Variants in DKK2 observed in about 807,000 individuals in gnomAD.
DKK2 encodes dickkopf Wnt signaling pathway inhibitor 2, also known as dickkopf-related protein 2.
In DKK2, 11 loss-of-function variants were observed where a neutral mutation model predicts 28.1. The ratio of observed to expected loss-of-function variants is 0.39; its 90% CI spans 0.25 to 0.65. The LOEUF (loss-of-function observed/expected upper bound fraction) is 0.65. DKK2 is among the 30% of genes least tolerant of loss of function. The pLI is 0.47. For missense variants in DKK2, 326 were observed against 335.5 expected (o/e 0.97, Z 0.22); for synonymous variants, 135 against 126.5 (o/e 1.07, Z -0.45).
intron 1 of DKK2, among the ~76,000 whole-genome samples, chr4:106,969,578 G>C (rs1722832870): frequency 6.6e-6 from 1 of 152,026 alleles, no homozygotes; most frequent in South Asian, 2.1e-4. Flanking sequence ...CTTTTCCCCT[G>C]ACATATTTTC....
At chr4:107,021,350 A>T (rs1363461947) in intron 1 of DKK2, among the ~76,000 whole-genome samples, 1 of 152,068 alleles carries the variant, frequency 6.6e-6, no homozygotes, top group African/African-American at 2.4e-5. Context: ...AAACATGTAA[A>T]CTACTTCTAA....
chr4:106,965,764 G>T (rs2110352250), intron 1 of DKK2, among the ~76,000 whole-genome samples: 1 of 114,204 alleles, frequency 8.8e-6, no homozygotes, highest in East Asian at 2.9e-4. Flanking sequence ...CCCCACAACA[G>T]TCCCCAGAGT....
intron 1 of DKK2, among the ~76,000 whole-genome samples, chr4:106,939,533 C>T (rs1480770574): frequency 6.6e-6 from 1 of 152,116 alleles, no homozygotes; most frequent in Non-Finnish European, 1.5e-5. Flanking sequence ...GCCATACGGC[C>T]CAAGGTAATT....
At chr4:106,959,024 T>C (rs1225612032) in intron 1 of DKK2, among the ~76,000 whole-genome samples, 1 of 151,852 alleles carries the variant, frequency 6.6e-6, no homozygotes, top group Non-Finnish European at 1.5e-5. Flanking sequence ...GGTTAATATA[T>C]GAATATAAAA....
At chr4:106,968,054 G>A (rs1012841006) in intron 1 of DKK2, among the ~76,000 whole-genome samples, 2 of 149,196 alleles carry the variant, frequency 1.3e-5, no homozygotes, top group African/African-American at 4.9e-5. Context: ...AGAAAACGGA[G>A]GAATGAAGAA....
rs146044931 is a variant in DKK2 at position 106,962,998 on chromosome 4, T to A, written c.223-37049A>T. Among the ~76,000 whole-genome samples, 1,467 of 151,926 alleles carry A rather than the reference T, an allele frequency of 9.7e-3. 14 individuals are homozygous for A. Among genetic ancestry groups the A allele is most frequent in the Non-Finnish European group, 0.018 (1,196 of 67,960 alleles). ...TCGCTTGAAACTGGGAGGCAGAGGG[T>A]GCAGTGAGCCAAGATCAAGCCACTT... On this transcript the variant is annotated intron_variant, in intron 1 of 3. Coordinates refer to ENST00000285311, the MANE Select transcript of DKK2 (RefSeq NM_014421.3).
At chr4:106,962,491 ATGTGTGTGTGTGTG>A (rs59831895) in intron 1 of DKK2, among the ~76,000 whole-genome samples, 2,624 of 117,632 alleles carry the variant, frequency 0.022, 53 homozygotes, top group East Asian at 0.092. Context: ...CAGAAAAACT[ATGTGTGTGTGTGTG>A]TGTGTGTGTG....
intron 1 of DKK2, among the ~76,000 whole-genome samples, chr4:107,030,802 A>G (rs1212777146): frequency 1.3e-5 from 2 of 152,038 alleles, no homozygotes; most frequent in African/African-American, 4.8e-5. Flanking sequence ...AAGGAAATGA[A>G]GAAGAGCCAA....
At chr4:106,972,976 G>T (rs1722890555) in intron 1 of DKK2, among the ~76,000 whole-genome samples, 1 of 152,140 alleles carries the variant, frequency 6.6e-6, no homozygotes, top group Non-Finnish European at 1.5e-5. Context: ...ACTTATGAGT[G>T]AGAACACATG....
chr4:107,013,376 G>C (rs893739813), intron 1 of DKK2, among the ~76,000 whole-genome samples: 1 of 150,850 alleles, frequency 6.6e-6, no homozygotes, highest in African/African-American at 2.4e-5. Context: ...AGAGAACCCA[G>C]AAATAAATCT....
In DKK2 at chr4:106,924,427, C is replaced by G. The variant is rs866243871; in HGVS notation, c.529+118G>C. The G allele has an allele frequency of 4.5e-6, 6 of 1,343,818 alleles. No homozygotes were observed. In the Admixed American group the frequency reaches 7.0e-5, roughly 16 times the overall value. 83.2% of individuals were successfully genotyped at this position (1,343,818 alleles called of 1,614,324 possible). On this transcript the variant is annotated intron_variant, in intron 3 of 3. Coordinates refer to ENST00000285311, the MANE Select transcript of DKK2 (RefSeq NM_014421.3). ...GCCACCTAAATAACAAGTTTAATGA[C>G]TAGCTAGGATTAAAGAAACTTCCTT...
intron 1 of DKK2, among the ~76,000 whole-genome samples, chr4:106,956,363 G>A (rs148472075): frequency 0.025 from 3,800 of 152,180 alleles, 59 homozygotes; most frequent in Non-Finnish European, 0.037. Flanking sequence ...TCCCCATCAA[G>A]CTACCAATGA....
intron 1 of DKK2, among the ~76,000 whole-genome samples, chr4:106,945,964 C>T (rs576329935): frequency 1.1e-4 from 16 of 152,220 alleles, no homozygotes; most frequent in South Asian, 4.1e-4. Flanking sequence ...TGCTAACAGA[C>T]GCCATGATTG....
intron 1 of DKK2, among the ~76,000 whole-genome samples, chr4:107,007,924 G>A (rs913399857): frequency 9.2e-5 from 14 of 152,242 alleles, no homozygotes; most frequent in African/African-American, 3.4e-4. Flanking sequence ...CAGGCTTGGT[G>A]ATTTCTTTGG....
rs1468526424 is a variant in DKK2 at position 106,953,168 on chromosome 4, A to G, written c.223-27219T>C. Reference sequence around the variant, plus strand: ...CATTTGTGTTTCAACTCCTTGTTCAAATTTTTCTGTAGACACCAGCTGTTA... The same window carrying G: ...CATTTGTGTTTCAACTCCTTGTTCAGATTTTTCTGTAGACACCAGCTGTTA... On this transcript the variant is annotated intron_variant, in intron 1 of 3. Coordinates refer to ENST00000285311, the MANE Select transcript of DKK2 (RefSeq NM_014421.3). Among the ~76,000 whole-genome samples, 4 of 152,202 alleles carry G rather than the reference A, an allele frequency of 2.6e-5. No individual in the cohort carries two copies. In the East Asian group the frequency reaches 5.8e-4, roughly 22 times the overall value.
intron 1 of DKK2, among the ~76,000 whole-genome samples, chr4:106,973,741 A>C (rs1722902899): frequency 6.6e-6 from 1 of 152,168 alleles, no homozygotes; most frequent in Non-Finnish European, 1.5e-5. Flanking sequence ...TAGCTTAATT[A>C]GATCCCATTT....
chr4:106,924,340 G>A, intron 3 of DKK2, 136 bp from the exon 4 acceptor site: 3 of 1,336,288 alleles, frequency 2.2e-6, no homozygotes, highest in Non-Finnish European at 3.0e-6. Flanking sequence ...AAAAGTCTTG[G>A]TTGATACCAA....
intron 1 of DKK2, among the ~76,000 whole-genome samples, chr4:106,970,100 A>G (rs2110353871): frequency 6.6e-6 from 1 of 152,258 alleles, no homozygotes; most frequent in Non-Finnish European, 1.5e-5. Context: ...TAGTTCTACC[A>G]CTTATGAGAT....
intron 1 of DKK2, among the ~76,000 whole-genome samples, chr4:106,949,471 TTTTA>T (rs780208757): frequency 2.6e-5 from 4 of 152,150 alleles, no homozygotes; most frequent in Non-Finnish European, 5.9e-5. Context: ...CTGGTATGAT[TTTTA>T]TTTATCTTCT....
Sources: gnomAD v4.1 joint callset for allele counts (sites outside exome capture counted in the v4.1 genomes callset) on GRCh38, gnomAD v4.1.1 for gene constraint, MANE v1.5 for transcripts, NCBI Gene and HGNC (gene_info 2026-07-23, HGNC 2026-07-21) for gene names.